HMCN1: variants seen among roughly 807,000 people sequenced by gnomAD.
HMCN1 encodes hemicentin-1.
A neutral mutation model predicts 625.9 loss-of-function variants in HMCN1; 321 were observed. That is an observed-to-expected ratio of 0.51 (90% confidence interval 0.47 to 0.56). The LOEUF is 0.56. Among genes scored for constraint, HMCN1 ranks in the 20% least tolerant of loss-of-function variants. HMCN1 has a pLI of 0.00. For synonymous variants in HMCN1, 2,425 were observed against 2,417.6 expected, an observed-to-expected ratio of 1.00 and a Z score of -0.09; for missense variants, 6,588 against 6,887.3, an observed-to-expected ratio of 0.96 and a Z score of 1.54.
intron 19 of HMCN1, among the ~76,000 whole-genome samples, chr1:185,986,207 T>C (rs912283579): frequency 4.6e-5 from 7 of 152,160 alleles, no homozygotes; most frequent in South Asian, 4.1e-4. Context: ...AACCCAGCCA[T>C]AGGAAAATAT....
At chr1:185,873,084 C>T (rs1001998989) in intron 4 of HMCN1, among the ~76,000 whole-genome samples, 1 of 152,088 alleles carries the variant, frequency 6.6e-6, no homozygotes, top group African/African-American at 2.4e-5. Flanking sequence ...CAATAAGTTG[C>T]ATGCTTTCAA....
chr1:186,001,665 G>C lies in HMCN1; in HGVS notation c.4272G>C (p.Glu1424Asp), dbSNP rs1347503250. The C allele has an allele frequency of 6.2e-7, 1 of 1,612,022 alleles. No individual in the cohort carries two copies. Among genetic ancestry groups the C allele is most frequent in the Non-Finnish European group, 8.5e-7 (1 of 1,178,314 alleles). ...KILKLFRATP[E>D]DAGRYSCKAI... Reference sequence around the variant, plus strand: ...TGAAGCTCTTCAGAGCCACTCCAGAGGATGCAGGAAGATATTCCTGCAAAG... The same window carrying C: ...TGAAGCTCTTCAGAGCCACTCCAGACGATGCAGGAAGATATTCCTGCAAAG... The change falls in exon 28 of 107, where the codon GAG becomes GAC. Residue 1424 changes from glutamate to aspartate, a missense_variant. Glu to Asp is a conservative substitution (Grantham distance 45). Around this residue, in one of 3 missense-constraint regions of HMCN1, gnomAD observed 4,628 missense variants for 4,853.1 expected, o/e 0.95. Transcript: ENST00000271588.
chr1:185,965,383 A>G (rs1650333755), intron 13 of HMCN1, among the ~76,000 whole-genome samples: 2 of 152,116 alleles, frequency 1.3e-5, no homozygotes, highest in East Asian at 3.9e-4. Context: ...GTCTTAATTT[A>G]GCTGTCAGTC....
At chr1:186,160,182 T>C (rs1173939758) in intron 97 of HMCN1, among the ~76,000 whole-genome samples, 1 of 150,174 alleles carries the variant, frequency 6.7e-6, no homozygotes, top group South Asian at 2.1e-4. Flanking sequence ...TATCCATTTC[T>C]TCTAGATTTT....
At chr1:185,877,479 T>A (rs116606000) in intron 4 of HMCN1, among the ~76,000 whole-genome samples, 3,205 of 151,790 alleles carry the variant, frequency 0.021, 114 homozygotes, top group African/African-American at 0.072. Flanking sequence ...ATTTCAGGAT[T>A]TTTTTTCTAA....
chr1:185,939,066 T>A (rs1016881120), intron 11 of HMCN1, among the ~76,000 whole-genome samples: 1 of 152,172 alleles, frequency 6.6e-6, no homozygotes, highest in Non-Finnish European at 1.5e-5. Context: ...GCAACTTAAC[T>A]GCTTGAAGTA....
intron 106 of HMCN1, among the ~76,000 whole-genome samples, chr1:186,188,712 C>T (rs1653514864): frequency 6.6e-6 from 1 of 152,118 alleles, no homozygotes; most frequent in Admixed American, 6.5e-5. Context: ...CTTGGTAATG[C>T]TTACCAAGTT....
In HMCN1 at chr1:186,153,795, G is replaced by C; in HGVS notation, c.15064G>C (p.Ala5022Pro). The C allele has an allele frequency of 1.9e-6, 3 of 1,614,074 alleles. No individual in the cohort carries two copies. Among genetic ancestry groups the C allele is most frequent in the Non-Finnish European group, 2.5e-6 (3 of 1,179,996 alleles). Reference protein sequence around the residue: ...YIQTGPGQLYAYSTRLFTIDG... With the variant: ...YIQTGPGQLYPYSTRLFTIDG... ...TCAAACAGGTCCTGGGCAGCTGTAC[G>C]CCTACTCAACCCGGCTGTTCACCAT... Residue 5022 changes from alanine (A) to proline (P), a missense_variant, in exon 97 of 107, where the codon GCC (alanine) becomes CCC (proline). By Grantham distance (27) the Ala-to-Pro change is conservative. Coordinates refer to ENST00000271588, the MANE Select transcript of HMCN1 (RefSeq NM_031935.3).
chr1:185,921,223 A>G (rs1451476713), intron 6 of HMCN1, among the ~76,000 whole-genome samples: 1 of 152,228 alleles, frequency 6.6e-6, no homozygotes, highest in African/African-American at 2.4e-5. Flanking sequence ...TTATGCTAAG[A>G]ATATAGCAAC....
chr1:185,984,745 C>T (rs1571664410), intron 19 of HMCN1, among the ~76,000 whole-genome samples: 1 of 152,162 alleles, frequency 6.6e-6, no homozygotes, highest in East Asian at 1.9e-4. Flanking sequence ...AAGGTCACCT[C>T]ATGTGCTCCA....
chr1:186,112,889 T>C lies in HMCN1; in HGVS notation c.11067T>C (p.Asn3689=), dbSNP rs1490638838. 1.9e-6 allele frequency: 3 copies of C among 1,614,034 alleles called. No homozygotes were observed. Among genetic ancestry groups the C allele is most frequent in the Middle Eastern group, 1.6e-4 (1 of 6,084 alleles). The part of the protein sequence containing the change: ...INNADLGDTA[N]YTCVASNIAG... Reference sequence around the variant, plus strand: ...ATGCTGACCTAGGTGATACAGCCAATTATACCTGTGTTGCCAGCAACATTG... The same window carrying C: ...ATGCTGACCTAGGTGATACAGCCAACTATACCTGTGTTGCCAGCAACATTG... Residue 3689 remains asparagine, a synonymous_variant, in exon 72 of 107, where the codon AAT becomes AAC. Coordinates refer to ENST00000271588, the MANE Select transcript of HMCN1 (RefSeq NM_031935.3).
In HMCN1 at chr1:186,041,010, T is replaced by C. The variant is rs971328726; in HGVS notation, c.6181-3T>C. The stretch of plus-strand genomic sequence containing the variant: ...GGTTATTTAGCGTTCTTACCATTGA[T>C]AGGTTCTCTCTGGTGGTCGAATCCT... On this transcript the variant is annotated splice_polypyrimidine_tract_variant and splice_region_variant and intron_variant, in intron 39 of 106. Coordinates refer to ENST00000271588, the MANE Select transcript of HMCN1 (RefSeq NM_031935.3). The C allele has an allele frequency of 1.3e-5, 21 of 1,612,700 alleles. No homozygotes were observed. The African/African-American group carries it at 2.0e-4, about 15-fold the overall frequency.
rs114958825 is a variant in HMCN1, at chr1:185,755,588, G to C, written c.268+20541G>C. Among the ~76,000 whole-genome samples, 1,520 of 152,268 alleles carry C rather than the reference G, an allele frequency of 1.0e-2. 20 individuals are homozygous for C. Among genetic ancestry groups the C allele is most frequent in the African/African-American group, 0.029 (1,223 of 41,544 alleles). ...GTGAGCTGCTTGGACATTCCTATATGAAGCTGGGGAACCTGGAGAAAAAGT... is the reference window on the plus strand; with the variant it reads ...GTGAGCTGCTTGGACATTCCTATATCAAGCTGGGGAACCTGGAGAAAAAGT... On this transcript the variant is annotated intron_variant, in intron 1 of 106. Coordinates refer to ENST00000271588, the MANE Select transcript of HMCN1 (RefSeq NM_031935.3).
At chr1:185,878,343 CT>C (rs1182627594) in intron 4 of HMCN1, among the ~76,000 whole-genome samples, 1 of 152,142 alleles carries the variant, frequency 6.6e-6, no homozygotes, top group Non-Finnish European at 1.5e-5. Context: ...ATGCTTTCAA[CT>C]TTCCCCCATT....
rs1571692537 is a variant in HMCN1, at chr1:186,000,345, A to G, written c.4069+106A>G. 48 of 802,368 alleles carry G rather than the reference A, an allele frequency of 6.0e-5. 1 individual carries two copies. In the East Asian group the frequency reaches 1.3e-3, roughly 22 times the overall value. The allele number at this position is 802,368 out of a possible 1,614,324, so 49.7% of individuals were successfully genotyped here. On this transcript the variant is annotated intron_variant, in intron 26 of 106. Coordinates refer to ENST00000271588, the MANE Select transcript of HMCN1 (RefSeq NM_031935.3). ...ATCATTTAATATTAATGTGAATAGC[A>G]GTATTACCAAACAGAAATCTGGTGG...
At chr1:185,910,728 G>A (rs192168305) in intron 5 of HMCN1, among the ~76,000 whole-genome samples, 133 of 151,864 alleles carry the variant, frequency 8.8e-4, no homozygotes, top group South Asian at 4.2e-4. Context: ...GCACCACCAC[G>A]CCTGGCTAAT....
At chr1:185,812,494 G>C (rs1172549581) in intron 1 of HMCN1, among the ~76,000 whole-genome samples, 9 of 152,142 alleles carry the variant, frequency 5.9e-5, no homozygotes, top group East Asian at 5.8e-4. Flanking sequence ...CACATTCTCT[G>C]GTTATCGATT....
intron 52 of HMCN1, among the ~76,000 whole-genome samples, chr1:186,073,325 A>G (rs761270532): frequency 2.1e-4 from 32 of 152,328 alleles, no homozygotes; most frequent in Non-Finnish European, 3.7e-4. Context: ...AAGAAGAAAC[A>G]GTGAAAGTCT....
chr1:185,982,327 C>A lies in HMCN1; in HGVS notation c.2728C>A (p.Pro910Thr), dbSNP rs1387138782. The A allele has an allele frequency of 6.2e-7, 1 of 1,612,754 alleles. No individual in the cohort carries two copies. The highest frequency in any genetic ancestry group is 8.5e-7 in the Non-Finnish European group (1 of 1,178,802). ...NVIEGQQLTL[P>T]CTLLAGNPIP... Reference sequence around the variant, plus strand: ...TATTGAAGGACAGCAGCTTACTTTGCCCTGTACTCTGTTAGCTGGAAATCC... The same window carrying A: ...TATTGAAGGACAGCAGCTTACTTTGACCTGTACTCTGTTAGCTGGAAATCC... The change falls in exon 18 of 107, where the codon CCC (proline) becomes ACC (threonine). Residue 910 changes from proline (P) to threonine (T), a missense_variant. Pro to Thr is a conservative substitution (Grantham distance 38, BLOSUM62 -1). Around this residue, in one of 3 missense-constraint regions of HMCN1, gnomAD observed 4,628 missense variants for 4,853.1 expected, o/e 0.95. Transcript: ENST00000271588.
Sources: allele counts gnomAD v4.1 joint callset (sites outside exome capture counted in the v4.1 genomes callset), GRCh38; gene constraint gnomAD v4.1.1; regional missense constraint gnomAD v4.1.1; transcripts MANE v1.5; gene names NCBI Gene and HGNC (gene_info 2026-07-23, HGNC 2026-07-21).